The following PUM2 variants were observed in gnomAD, a reference collection of about 807,000 sequenced individuals.
The protein encoded by PUM2 is pumilio RNA binding family member 2.
A neutral mutation model predicts 124.5 loss-of-function variants in PUM2; 57 were observed. The observed-to-expected ratio is 0.46, with a 90% confidence interval of 0.37 to 0.57. The LOEUF is 0.57. Ranked by LOEUF, PUM2 falls within the 20% of genes least tolerant of loss-of-function variation. The pLI, the probability that PUM2 is intolerant of heterozygous loss-of-function variation, is 0.00. For missense variants in PUM2, 1,065 were observed against 1,290.6 expected (o/e 0.83, Z 2.68); for synonymous variants, 460 against 446.1 (o/e 1.03, Z -0.39).
chr2:20,320,049 C>T (rs1294279799), intron 2 of PUM2, among the ~76,000 whole-genome samples: 9 of 152,052 alleles, frequency 5.9e-5, no homozygotes, highest in Non-Finnish European at 1.2e-4. Flanking sequence ...AGGTGGATCA[C>T]GAGGTCAGGA....
downstream of PUM2, chr2:20,248,703 G>T (rs1332732391): frequency 6.6e-6 from 1 of 152,486 alleles, no homozygotes; most frequent in African/African-American, 2.4e-5. Context: ...AGGTACAGAG[G>T]GGTATTTTAT....
At chr2:20,339,627 C>T (rs1438113814) in intron 1 of PUM2, among the ~76,000 whole-genome samples, 4 of 152,170 alleles carry the variant, frequency 2.6e-5, no homozygotes, top group Non-Finnish European at 4.4e-5. Flanking sequence ...TGCCTGTAAG[C>T]CCAGCACTTT....
At chr2:20,260,923 G>C (rs1666041286) in intron 14 of PUM2, among the ~76,000 whole-genome samples, 1 of 152,092 alleles carries the variant, frequency 6.6e-6, no homozygotes, top group African/African-American at 2.4e-5. Flanking sequence ...ACCAACTACA[G>C]TCATGCACTG....
chr2:20,315,845 A>C (rs1378351138), intron 3 of PUM2, among the ~76,000 whole-genome samples: 5 of 151,140 alleles, frequency 3.3e-5, no homozygotes, highest in African/African-American at 1.2e-4. Context: ...TCAAAAAAAA[A>C]AAAAAAAAAA....
intron 7 of PUM2, among the ~76,000 whole-genome samples, chr2:20,301,986 A>G (rs1490201531): frequency 6.6e-6 from 1 of 152,256 alleles, no homozygotes; most frequent in Non-Finnish European, 1.5e-5. Flanking sequence ...ATCTTTTGCT[A>G]TAAATAAATA....
At chr2:20,351,925 G>A (rs1689380284), upstream of PUM2, among the ~76,000 whole-genome samples, 1 of 152,056 alleles carries the variant, frequency 6.6e-6, no homozygotes, top group Non-Finnish European at 1.5e-5. Flanking sequence ...AAAAATGTCT[G>A]ACATTGAAAT....
intron 10 of PUM2, among the ~76,000 whole-genome samples, chr2:20,287,835 T>C (rs1673086379): frequency 6.6e-6 from 1 of 152,220 alleles, no homozygotes. Flanking sequence ...CAAGAGTTTC[T>C]AGTTCTAGAG....
intron 1 of PUM2, among the ~76,000 whole-genome samples, chr2:20,347,410 A>T (rs1688455190): frequency 6.6e-6 from 1 of 152,194 alleles, no homozygotes; most frequent in Non-Finnish European, 1.5e-5. Flanking sequence ...CATGTCTCTA[A>T]ACATAATGCT....
Position 20,350,800 on chromosome 2 carries a change from A to C in PUM2, c.-222T>G. The C allele has an allele frequency of 4.1e-6, 4 of 972,906 alleles. No homozygotes were observed. The highest frequency in any genetic ancestry group is 4.9e-6 in the Non-Finnish European group (4 of 823,778). The allele number at this position is 972,906 out of a possible 1,614,324, so 60.3% of individuals were successfully genotyped here. On this transcript the variant is annotated 5_prime_UTR_variant, in exon 1 of 21. Coordinates refer to ENST00000361078, the MANE Select transcript of PUM2 (RefSeq NM_015317.5). ...CACCGAAGTACCGAGGGTGAGACACAGAGACTCACAACAACATGGCTGCCA... is the reference window on the plus strand; with the variant it reads ...CACCGAAGTACCGAGGGTGAGACACCGAGACTCACAACAACATGGCTGCCA...
At chr2:20,296,782 T>C (rs1180559063) in intron 8 of PUM2, among the ~76,000 whole-genome samples, 1 of 152,162 alleles carries the variant, frequency 6.6e-6, no homozygotes, top group Non-Finnish European at 1.5e-5. Context: ...TAAAACAAAC[T>C]CTTCCCAAGA....
In PUM2 at chr2:20,249,490, G is replaced by A. The variant is rs1212268698; in HGVS notation, c.*2095C>T. On this transcript the variant is annotated 3_prime_UTR_variant, in exon 21 of 21. Coordinates refer to ENST00000361078, the MANE Select transcript of PUM2 (RefSeq NM_015317.5). ...ACGGTGACAAGTGTTTGGATTTAAT[G>A]GTCTCACCAAGGAATGTTGGGTTAG... 1.3e-5 allele frequency: 2 copies of A among 152,562 alleles called. No individual in the cohort carries two copies. The highest frequency in any genetic ancestry group is 2.4e-5 in the African/African-American group (1 of 41,424). The allele number at this position is 152,562 out of a possible 1,614,324, so 9.5% of individuals were successfully genotyped here.
At chr2:20,284,266 T>C (rs1014067292) in intron 10 of PUM2, among the ~76,000 whole-genome samples, 1 of 152,234 alleles carries the variant, frequency 6.6e-6, no homozygotes, top group Non-Finnish European at 1.5e-5. Flanking sequence ...TTTATTCTTT[T>C]CTGGAACTCA....
intron 3 of PUM2, among the ~76,000 whole-genome samples, chr2:20,318,214 C>T (rs1419364146): frequency 6.6e-6 from 1 of 152,076 alleles, no homozygotes; most frequent in Non-Finnish European, 1.5e-5. Context: ...TTAATAATAG[C>T]CACAGAATTT....
chr2:20,272,333 C>T (rs1366732632), intron 13 of PUM2, among the ~76,000 whole-genome samples: 1 of 152,044 alleles, frequency 6.6e-6, no homozygotes, highest in Non-Finnish European at 1.5e-5. Flanking sequence ...GAGAATAAAG[C>T]GTGTTTGTGT....
In PUM2 at chr2:20,251,570, T is replaced by C; in HGVS notation, c.*15A>G. On this transcript the variant is annotated 3_prime_UTR_variant, in exon 21 of 21. Coordinates refer to ENST00000361078, the MANE Select transcript of PUM2 (RefSeq NM_015317.5). The stretch of plus-strand genomic sequence containing the variant: ...TCACATGGTTAAATTATCTTCTTTC[T>C]CTTGCTCCTGTAATTTACAGCATTC... The C allele has an allele frequency of 6.2e-7, 1 of 1,606,512 alleles. No individual in the cohort carries two copies. Among genetic ancestry groups the C allele is most frequent in the Non-Finnish European group, 8.5e-7 (1 of 1,176,220 alleles).
In PUM2 at chr2:20,308,545, T is replaced by C. The variant is rs201301951; in HGVS notation, c.558A>G (p.Val186=). 2.5e-6 allele frequency: 4 copies of C among 1,613,932 alleles called. No individual in the cohort carries two copies. In the East Asian group the frequency reaches 6.7e-5, roughly 27 times the overall value. The change falls in exon 6 of 21, where the codon GTA becomes GTG. Residue 186 remains valine (V), a synonymous_variant. Coordinates refer to ENST00000361078, the MANE Select transcript of PUM2 (RefSeq NM_015317.5). Reference sequence around the variant, plus strand: ...TAGTATTGGGGCCCAAGCGCTCAACTACTTCAGTTGGAGAGGCTTGACGAC... The same window carrying C: ...TAGTATTGGGGCCCAAGCGCTCAACCACTTCAGTTGGAGAGGCTTGACGAC... ...PGSRQASPTE[V]VERLGPNTNP...
chr2:20,277,309 G>A (rs1276911922), intron 13 of PUM2, among the ~76,000 whole-genome samples: 1 of 152,136 alleles, frequency 6.6e-6, no homozygotes, highest in Admixed American at 6.5e-5. Context: ...GAAATCAGGA[G>A]CTGAGCAGCT....
intron 1 of PUM2, among the ~76,000 whole-genome samples, chr2:20,348,611 G>A (rs1688703188): frequency 6.6e-6 from 1 of 152,212 alleles, no homozygotes; most frequent in Non-Finnish European, 1.5e-5. Context: ...ACTCCGGAAG[G>A]CAAATTATCT....
chr2:20,282,192 G>GT (rs1281385378), intron 12 of PUM2, among the ~76,000 whole-genome samples: 1 of 152,178 alleles, frequency 6.6e-6, no homozygotes, highest in Non-Finnish European at 1.5e-5. Context: ...AACACCAAGT[G>GT]TATCAACAAG....
Sources: allele counts gnomAD v4.1 joint callset (sites outside exome capture counted in the v4.1 genomes callset), GRCh38; gene constraint gnomAD v4.1.1; transcripts MANE v1.5; gene names NCBI Gene and HGNC (gene_info 2026-07-23, HGNC 2026-07-21).